Variants in RAB40C observed in about 807,000 individuals in gnomAD.
The protein encoded by RAB40C is RAB40C, member RAS oncogene family.
In RAB40C, 8 loss-of-function variants were observed where a neutral mutation model predicts 28.1. The ratio of observed to expected loss-of-function variants is 0.28; its 90% CI spans 0.17 to 0.51. The LOEUF (loss-of-function observed/expected upper bound fraction) is 0.51, where lower values mean the gene tolerates loss of function less well. RAB40C is among the 20% of genes least tolerant of loss of function. The pLI is 0.97. For missense variants in RAB40C, 288 were observed against 405.9 expected, an observed-to-expected ratio of 0.71 and a Z score of 2.50; for synonymous variants, 201 against 171.7, an observed-to-expected ratio of 1.17 and a Z score of -1.34.
intron 1 of RAB40C, among the ~76,000 whole-genome samples, chr16:605,047 G>C (rs964019331): frequency 1.3e-5 from 2 of 152,088 alleles, no homozygotes; most frequent in Non-Finnish European, 2.9e-5. Flanking sequence ...GACAGAGTGA[G>C]ACTTTGTCTC....
At chr16:589,396 G>A (rs1364293627), upstream of RAB40C, 4 of 152,276 alleles carry the variant, frequency 2.6e-5, no homozygotes, top group Non-Finnish European at 5.9e-5. Flanking sequence ...AGGGTTCTGC[G>A]GAAGCAGGCG....
At chr16:609,225 T>C (rs1398623629) in intron 1 of RAB40C, among the ~76,000 whole-genome samples, 1 of 151,934 alleles carries the variant, frequency 6.6e-6, no homozygotes, top group African/African-American at 2.4e-5. Flanking sequence ...TGGAATGCCA[T>C]GTGAGGGGAA....
intron 3 of RAB40C, among the ~76,000 whole-genome samples, chr16:620,828 C>T (rs2036700048): frequency 9.6e-6 from 1 of 104,460 alleles, no homozygotes; most frequent in Non-Finnish European, 2.0e-5. Flanking sequence ...GCATCCCAGC[C>T]ACCCCCCCCG....
rs1287409546 is a variant in RAB40C, at chr16:623,141, G to A, written c.265-2291G>A. ...GGGAGGTGTGGCCAGGGCCCCCCGC[G>A]TCACAGCACACTTGGAGCCTGAGGC... is the stretch of plus-strand genomic sequence containing the variant. On this transcript the variant is annotated intron_variant, in intron 3 of 5. Coordinates refer to ENST00000248139, the MANE Select transcript of RAB40C (RefSeq NM_021168.5). 3.9e-5 allele frequency among the ~76,000 whole-genome samples: 6 copies of A among 152,266 alleles called. No individual in the cohort carries two copies. In the East Asian group the frequency reaches 7.7e-4, roughly 20 times the overall value.
At chr16:603,400 C>T (rs984090093) in intron 1 of RAB40C, among the ~76,000 whole-genome samples, 9 of 152,212 alleles carry the variant, frequency 5.9e-5, no homozygotes, top group African/African-American at 1.9e-4. Flanking sequence ...TCTCAGAAGA[C>T]ATCCGAGGGG....
intron 1 of RAB40C, among the ~76,000 whole-genome samples, chr16:592,326 C>T (rs2036018120): frequency 6.6e-6 from 1 of 152,206 alleles, no homozygotes; most frequent in South Asian, 2.1e-4. Context: ...CGTGGGATTA[C>T]CTGGACTGAG....
chr16:610,496 T>C lies in RAB40C; in HGVS notation c.143-6712T>C, dbSNP rs1294826684. ...AGCAGCTGACCTTCACTGGCGCCCT[T>C]GCCTTTTCACTGAGCCGGGTATTAG... On this transcript the variant is annotated intron_variant, in intron 1 of 5. Transcript: ENST00000248139. This position sits in a 1 kb window ranked among gnomAD's most constrained non-coding sequence, Gnocchi z 4.6. Among the ~76,000 whole-genome samples the C allele has an allele frequency of 6.6e-6, 1 of 152,146 alleles. No individual in the cohort carries two copies. The highest frequency in any genetic ancestry group is 1.5e-5 in the Non-Finnish European group (1 of 68,008).
intron 2 of RAB40C, among the ~76,000 whole-genome samples, chr16:617,816 C>A (rs973930941): frequency 6.6e-6 from 1 of 152,006 alleles, no homozygotes; most frequent in Non-Finnish European, 1.5e-5. Flanking sequence ...GCACTCCAGC[C>A]TGGGTGACAG....
chr16:615,059 C>T (rs1038087316), intron 1 of RAB40C, among the ~76,000 whole-genome samples: 23 of 152,196 alleles, frequency 1.5e-4, no homozygotes, highest in Non-Finnish European at 3.2e-4. Context: ...CCGAGGGAGA[C>T]CATCCGTCCA....
At chr16:622,949 G>C (rs2036752164) in intron 3 of RAB40C, among the ~76,000 whole-genome samples, 1 of 152,184 alleles carries the variant, frequency 6.6e-6, no homozygotes, top group African/African-American at 2.4e-5. Flanking sequence ...GTCACCGAGA[G>C]TCTCCTTTTG....
chr16:623,523 G>A lies in RAB40C; in HGVS notation c.265-1909G>A, dbSNP rs971087222. Among the ~76,000 whole-genome samples the A allele has an allele frequency of 1.2e-4, 18 of 151,944 alleles. 1 individual carries two copies. The highest frequency in any genetic ancestry group is 4.6e-4 in the Admixed American group (7 of 15,252). On this transcript the variant is annotated intron_variant, in intron 3 of 5. Coordinates refer to ENST00000248139, the MANE Select transcript of RAB40C (RefSeq NM_021168.5). ...AAAAAAATTAGCCGGGCATGGTGGC[G>A]GGCGCCTGTAGTCCCAGCTACTCAG...
At chr16:619,424 G>A (rs575495558) in intron 3 of RAB40C, among the ~76,000 whole-genome samples, 4 of 152,178 alleles carry the variant, frequency 2.6e-5, no homozygotes, top group East Asian at 1.9e-4. Context: ...GGCCACCCTC[G>A]TTTCTGTCTC....
rs1490692602 is a variant in RAB40C, at chr16:626,942, C to G, written c.566-400C>G. 2.0e-5 allele frequency among the ~76,000 whole-genome samples: 3 copies of G among 152,292 alleles called. No individual in the cohort carries two copies. The East Asian group carries it at 5.8e-4, about 29-fold the overall frequency. On this transcript the variant is annotated intron_variant, in intron 5 of 5. Transcript: ENST00000248139. The stretch of plus-strand genomic sequence containing the variant: ...ACAGAGCGAGACCCGTCTCAAAAAA[C>G]AAAACAAAAGAATGAGCGAGTGCTC...
intron 3 of RAB40C, among the ~76,000 whole-genome samples, chr16:620,374 C>T (rs539373797): frequency 3.9e-5 from 6 of 152,160 alleles, no homozygotes; most frequent in Middle Eastern, 3.4e-3. Flanking sequence ...ACCTGGGCGA[C>T]GAGTGAAACT....
At chr16:607,211 A>G (rs1243972676) in intron 1 of RAB40C, among the ~76,000 whole-genome samples, 3 of 152,232 alleles carry the variant, frequency 2.0e-5, no homozygotes, top group Non-Finnish European at 1.5e-5. Context: ...TTGAAAACAA[A>G]GTCGCCTGGG....
At chr16:614,517 T>C (rs1383686423) in intron 1 of RAB40C, among the ~76,000 whole-genome samples, 17 of 105,758 alleles carry the variant, frequency 1.6e-4, no homozygotes, top group Middle Eastern at 0.016. Context: ...CTGCCAAACT[T>C]TACCTCGTCC....
chr16:599,365 G>A (rs976236212), intron 1 of RAB40C, among the ~76,000 whole-genome samples: 5 of 152,216 alleles, frequency 3.3e-5, no homozygotes, highest in South Asian at 2.1e-4. Flanking sequence ...AGAGTCTTGC[G>A]CCCACCTGAT....
In RAB40C at chr16:617,110, G is replaced by T; in HGVS notation, c.143-98G>T. The T allele has an allele frequency of 2.4e-6, 3 of 1,266,752 alleles. No homozygotes were observed. The South Asian group carries it at 3.6e-5, about 15-fold the overall frequency. 78.5% of individuals were successfully genotyped at this position (1,266,752 alleles called of 1,614,324 possible). ...GGGGGAGCTGCTTCTCCACTTCCGC[G>T]TGGGTCTTGGCCCTGGGAGGCCAGT... is the stretch of plus-strand genomic sequence containing the variant. On this transcript the variant is annotated intron_variant, in intron 1 of 5. Coordinates refer to ENST00000248139, the MANE Select transcript of RAB40C (RefSeq NM_021168.5).
In RAB40C at chr16:627,583, C is replaced by A. The variant is rs766378608; in HGVS notation, c.807C>A (p.Pro269=). ...RSKSIRPPQS[P]PQNCSRSNCK... ...AGTCCATCCGTCCACCCCAGAGCCCCCCCCAGAACTGCTCGCGGAGTAACT... is the reference window on the plus strand; with the variant it reads ...AGTCCATCCGTCCACCCCAGAGCCCACCCCAGAACTGCTCGCGGAGTAACT... Residue 269 remains proline, a synonymous_variant, in exon 6 of 6, where the codon CCC becomes CCA. Transcript: ENST00000248139. 3 of 1,604,806 alleles carry A rather than the reference C, an allele frequency of 1.9e-6. No individual in the cohort carries two copies.
Sources: allele counts gnomAD v4.1 joint callset (sites outside exome capture counted in the v4.1 genomes callset), GRCh38; gene constraint gnomAD v4.1.1; non-coding constraint Gnocchi (gnomAD v3.1); transcripts MANE v1.5; gene names NCBI Gene and HGNC (gene_info 2026-07-23, HGNC 2026-07-21).